Variants in DAB1 observed in about 807,000 individuals in gnomAD.
The protein encoded by DAB1 is DAB adaptor protein 1, also known as disabled homolog 1.
Under a neutral mutation model 64.6 loss-of-function variants are expected in DAB1, and 15 were observed. That is an observed-to-expected ratio of 0.23 (90% CI 0.16 to 0.36). DAB1 has a LOEUF of 0.36. Ranked by LOEUF, DAB1 falls within the 10% of genes least tolerant of loss-of-function variation. The pLI is 1.00. For synonymous variants in DAB1, 235 were observed against 251.9 expected (o/e 0.93, Z 0.64); for missense variants, 596 against 706.7 (o/e 0.84, Z 1.78).
chr1:58,138,015 T>A (rs1231311943), intron 5 of DAB1, among the ~76,000 whole-genome samples: 4 of 152,118 alleles, frequency 2.6e-5, no homozygotes, highest in Non-Finnish European at 4.4e-5. Context: ...TGGAAAAAAA[T>A]ATTTTTCTCA....
intron 7 of DAB1, among the ~76,000 whole-genome samples, chr1:57,603,065 T>C (rs983490760): frequency 6.6e-6 from 1 of 152,120 alleles, no homozygotes; most frequent in Non-Finnish European, 1.5e-5. Context: ...TTCCGCCTCC[T>C]GGGTTCAAGC....
In DAB1 at chr1:57,910,606, C is replaced by A. The variant is rs553660016; in HGVS notation, n.388-26444G>T. 2.6e-4 allele frequency among the ~76,000 whole-genome samples: 40 copies of A among 152,140 alleles called. 2 individuals are homozygous for A. Among genetic ancestry groups the A allele is most frequent in the South Asian group, 1.0e-3 (5 of 4,830 alleles). On this transcript the variant is annotated intron_variant and non_coding_transcript_variant, in intron 5 of 20. Transcript: ENST00000485760. ...TCAGGGGGAAGTTTTTAGACAGGAG[C>A]CTGGAGCCACGTCGTGGCCTGGAAT...
intron 5 of DAB1, among the ~76,000 whole-genome samples, chr1:58,058,469 CTG>C (rs1336192480): frequency 2.0e-5 from 3 of 152,200 alleles, no homozygotes; most frequent in African/African-American, 7.2e-5. Context: ...CCACGCTCGA[CTG>C]TTGCATGGTG....
chr1:57,262,684 C>T (rs1670273810), intron 2 of DAB1, among the ~76,000 whole-genome samples: 1 of 152,206 alleles, frequency 6.6e-6, no homozygotes, highest in South Asian at 2.1e-4. Flanking sequence ...TGGTGTGATG[C>T]TTCCCTTTAA....
In DAB1 at chr1:57,790,867, A is replaced by G. The variant is rs528875992; in HGVS notation, n.551+93132T>C. Among the ~76,000 whole-genome samples the G allele has an allele frequency of 2.1e-3, 324 of 152,278 alleles. 2 individuals carry two copies. Among genetic ancestry groups the G allele is most frequent in the African/African-American group, 7.5e-3 (313 of 41,550 alleles). On this transcript the variant is annotated intron_variant and non_coding_transcript_variant, in intron 6 of 20. Transcript: ENST00000485760. ...TACATGTATATAAAGCACCTGGTGC[A>G]TTACTACACACACACTCACACTCAC...
intron 3 of DAB1, among the ~76,000 whole-genome samples, chr1:58,403,243 G>A (rs1644588361): frequency 6.6e-6 from 1 of 151,336 alleles, no homozygotes; most frequent in Non-Finnish European, 1.5e-5. Flanking sequence ...GGATCCCTAA[G>A]GAAATGCCCT....
chr1:57,348,138 C>T (rs1180679476), intron 1 of DAB1, among the ~76,000 whole-genome samples: 1 of 152,118 alleles, frequency 6.6e-6, no homozygotes, highest in Admixed American at 6.5e-5. Context: ...CTGAAGGAGA[C>T]AAAATTGTAT....
chr1:58,335,843 C>T (rs773125915), intron 4 of DAB1, among the ~76,000 whole-genome samples: 2 of 151,974 alleles, frequency 1.3e-5, no homozygotes, highest in South Asian at 2.1e-4. Context: ...ACGATCCAGT[C>T]GGGGAAAGGT....
At chr1:57,283,542 T>C (rs1672078549) in intron 2 of DAB1, among the ~76,000 whole-genome samples, 1 of 152,140 alleles carries the variant, frequency 6.6e-6, no homozygotes, top group Non-Finnish European at 1.5e-5. Context: ...CACTCTAAGA[T>C]ACGAACTACT....
intron 4 of DAB1, among the ~76,000 whole-genome samples, chr1:58,313,502 C>T (rs1557729011): frequency 6.6e-6 from 1 of 152,108 alleles, no homozygotes; most frequent in Non-Finnish European, 1.5e-5. Context: ...CTGTCTCTCC[C>T]CACCATTGGC....
At chr1:57,756,306 G>C (rs189915429) in intron 6 of DAB1, among the ~76,000 whole-genome samples, 1 of 151,894 alleles carries the variant, frequency 6.6e-6, no homozygotes, top group East Asian at 1.9e-4. Context: ...TTAATATCAT[G>C]ACACAGAACA....
At chr1:57,462,995 G>C (rs1406231812) in intron 7 of DAB1, among the ~76,000 whole-genome samples, 1 of 152,084 alleles carries the variant, frequency 6.6e-6, no homozygotes, top group Admixed American at 6.6e-5. Flanking sequence ...TAGTAGGGAA[G>C]TACCATTAGA....
intron 7 of DAB1, among the ~76,000 whole-genome samples, chr1:57,545,307 T>C (rs1644844461): frequency 6.6e-6 from 1 of 152,252 alleles, no homozygotes; most frequent in Admixed American, 6.5e-5. Flanking sequence ...TATTTTTCTC[T>C]ACCACACTAT....
intron 4 of DAB1, among the ~76,000 whole-genome samples, chr1:58,237,873 A>G (rs1462971827): frequency 6.6e-6 from 1 of 152,232 alleles, no homozygotes; most frequent in Non-Finnish European, 1.5e-5. Context: ...GATAATCATG[A>G]TAATCTTATC....
At chr1:58,197,687 C>T (rs1657761925) in intron 4 of DAB1, among the ~76,000 whole-genome samples, 1 of 146,958 alleles carries the variant, frequency 6.8e-6, no homozygotes, top group South Asian at 2.3e-4. Context: ...AGCCACCATG[C>T]CCAGCGAGAG....
At chr1:57,818,360 A>G (rs1651964794) in intron 6 of DAB1, among the ~76,000 whole-genome samples, 1 of 152,086 alleles carries the variant, frequency 6.6e-6, no homozygotes, top group African/African-American at 2.4e-5. Context: ...GTCCCTAAAC[A>G]TTTCTCTACC....
chr1:58,525,687 T>C (rs1312424350), intron 2 of DAB1, among the ~76,000 whole-genome samples: 2 of 152,182 alleles, frequency 1.3e-5, no homozygotes, highest in African/African-American at 4.8e-5. Flanking sequence ...AAACCCCATG[T>C]GTTTTTCTAT....
intron 5 of DAB1, among the ~76,000 whole-genome samples, chr1:57,921,518 C>T (rs1343012657): frequency 6.6e-6 from 1 of 152,102 alleles, no homozygotes; most frequent in African/African-American, 2.4e-5. Context: ...GCAGCCCAGG[C>T]CACAAGGCCA....
intron 1 of DAB1, among the ~76,000 whole-genome samples, chr1:57,297,941 G>C (rs987271321): frequency 4.6e-5 from 7 of 152,028 alleles, no homozygotes; most frequent in Non-Finnish European, 8.8e-5. Context: ...CACGGAACAG[G>C]GTCCTTTCTT....
Sources: allele counts gnomAD v4.1 joint callset (sites outside exome capture counted in the v4.1 genomes callset), GRCh38; gene constraint gnomAD v4.1.1; transcripts MANE v1.5; gene names NCBI Gene and HGNC (gene_info 2026-07-23, HGNC 2026-07-21).